SLC15A1: variants seen among roughly 807,000 people sequenced by gnomAD.
The protein encoded by SLC15A1 is solute carrier family 15 member 1.
Under a neutral mutation model 92.9 loss-of-function variants are expected in SLC15A1, and 83 were observed. The observed-to-expected ratio is 0.89, with a 90% CI of 0.75 to 1.07. The LOEUF is 1.07. Among genes scored for constraint, SLC15A1 ranks in the 50% least tolerant of loss-of-function variants. The pLI is 0.00. For synonymous variants in SLC15A1, 322 were observed against 318.2 expected (o/e 1.01, Z -0.13); for missense variants, 857 against 880.1 (o/e 0.97, Z 0.33).
intron 18 of SLC15A1, among the ~76,000 whole-genome samples, chr13:98,701,491 ATT>A (rs1421605700): frequency 1.1e-4 from 17 of 151,270 alleles, no homozygotes; most frequent in South Asian, 2.1e-4. Flanking sequence ...AAATTTATTT[ATT>A]TATATATATA....
rs9554495 is a variant in SLC15A1 at position 98,684,437 on chromosome 13, C to T, written c.*287G>A. On this transcript the variant is annotated 3_prime_UTR_variant, in exon 23 of 23. Coordinates refer to ENST00000376503, the MANE Select transcript of SLC15A1 (RefSeq NM_005073.4). ...GTGCATGCCGCTAATCCCAGCCACT[C>T]GGGAGGCTGAGGCAGGAGAATTACT... The T allele has an allele frequency of 2.2e-5, 5 of 231,266 alleles. No homozygotes were observed. The highest frequency in any genetic ancestry group is 7.0e-5 in the African/African-American group (3 of 43,134). 14.3% of individuals were successfully genotyped at this position (231,266 alleles called of 1,614,324 possible).
Position 98,729,005 on chromosome 13 carries a change from AAC to A in SLC15A1, c.5-2148_5-2147del, listed in dbSNP as rs1433653753. ...AAAAAAAAAAAAAAAAAAAAAAAAA[AAC>A]AACAAGCCCCAAAACAAAAAACAAA... On this transcript the variant is annotated intron_variant, in intron 1 of 22. Transcript: ENST00000376503. 8.3e-4 allele frequency among the ~76,000 whole-genome samples: 116 copies of A among 139,160 alleles called. 8 individuals carry two copies. The highest frequency in any genetic ancestry group is 1.8e-3 in the African/African-American group (67 of 37,566). 91.3% of individuals were successfully genotyped at this position (139,160 alleles called of 152,430 possible).
chr13:98,723,391 G>T (rs2088275084), intron 5 of SLC15A1, among the ~76,000 whole-genome samples: 1 of 152,162 alleles, frequency 6.6e-6, no homozygotes. Context: ...TCTACAACTA[G>T]TCTACTAGGC....
intron 1 of SLC15A1, among the ~76,000 whole-genome samples, chr13:98,737,061 C>A (rs142956041): frequency 2.2e-4 from 34 of 152,296 alleles, no homozygotes; most frequent in East Asian, 2.1e-3. Flanking sequence ...TATTGTGGCA[C>A]TATTCACAAT....
chr13:98,686,332 G>T, intron 21 of SLC15A1, 35 bp from the exon 22 acceptor site: 1 of 1,453,030 alleles, frequency 6.9e-7, no homozygotes, highest in Non-Finnish European at 9.6e-7. Flanking sequence ...CCTGCTCCAG[G>T]TCTCACCCTC....
intron 5 of SLC15A1, 148 bp downstream of exon 5, chr13:98,723,764 C>T: frequency 9.3e-7 from 1 of 1,076,148 alleles, no homozygotes. Flanking sequence ...CCAGCTCAAT[C>T]TATTTGACAG....
intron 15 of SLC15A1, among the ~76,000 whole-genome samples, chr13:98,706,741 ATC>A (rs2088115892): frequency 1.3e-5 from 2 of 152,054 alleles, no homozygotes; most frequent in Admixed American, 6.6e-5. Flanking sequence ...AGTCCATTAA[ATC>A]TCTTTTTCTT....
At chr13:98,746,825 G>A (rs1190045206) in intron 1 of SLC15A1, among the ~76,000 whole-genome samples, 9 of 152,124 alleles carry the variant, frequency 5.9e-5, no homozygotes, top group Non-Finnish European at 1.2e-4. Flanking sequence ...TCCGCAGCCC[G>A]GTGAGGAGCT....
chr13:98,732,326 C>G (rs2088357625), intron 1 of SLC15A1, among the ~76,000 whole-genome samples: 1 of 152,150 alleles, frequency 6.6e-6, no homozygotes, highest in Non-Finnish European at 1.5e-5. Flanking sequence ...CCTTAGCACC[C>G]AACACATTGC....
At chr13:98,720,502 C>A (rs1430427605) in intron 7 of SLC15A1, 1 of 152,878 alleles carries the variant, frequency 6.5e-6, no homozygotes, top group Non-Finnish European at 1.5e-5. Flanking sequence ...CATCTTCAAA[C>A]CACTATGCTG....
At chr13:98,728,709 G>T (rs1248588128) in intron 1 of SLC15A1, among the ~76,000 whole-genome samples, 1 of 151,866 alleles carries the variant, frequency 6.6e-6, no homozygotes, top group Non-Finnish European at 1.5e-5. Flanking sequence ...GGCTGGGCGC[G>T]GTGGCTCACA....
At chr13:98,746,593 G>C (rs1193777760) in intron 1 of SLC15A1, among the ~76,000 whole-genome samples, 1 of 152,216 alleles carries the variant, frequency 6.6e-6, no homozygotes. Context: ...TGTCCTAATA[G>C]AGCTTATAAT....
At chr13:98,743,124 C>T (rs564836979) in intron 1 of SLC15A1, among the ~76,000 whole-genome samples, 1 of 152,170 alleles carries the variant, frequency 6.6e-6, no homozygotes, top group African/African-American at 2.4e-5. Context: ...TAGGGGCCAC[C>T]CTACCCTGGT....
At chr13:98,685,677 C>T (rs548881331) in intron 22 of SLC15A1, among the ~76,000 whole-genome samples, 4 of 152,248 alleles carry the variant, frequency 2.6e-5, no homozygotes, top group East Asian at 1.9e-4. Flanking sequence ...TTTCCAGCTG[C>T]GTTAACAACA....
intron 1 of SLC15A1, among the ~76,000 whole-genome samples, chr13:98,737,563 T>C (rs1283803990): frequency 6.6e-6 from 1 of 152,196 alleles, no homozygotes; most frequent in African/African-American, 2.4e-5. Flanking sequence ...CCATGTGACA[T>C]GCCTGCTCCC....
In SLC15A1 at chr13:98,718,300, C is replaced by CTTTT. The variant is rs532286337; in HGVS notation, c.640+933_640+936dup. On this transcript the variant is annotated intron_variant, in intron 8 of 22. Transcript: ENST00000376503. ...ATCCAGCAGATTCTATCACCTTCAT[C>CTTTT]TTTTTTTTTTTTTTTTTTTTTTTTT... 4.0e-4 allele frequency among the ~76,000 whole-genome samples: 34 copies of CTTTT among 84,126 alleles called. 3 individuals carry two copies. Among genetic ancestry groups the CTTTT allele is most frequent in the African/African-American group, 1.7e-3 (25 of 14,624 alleles). 55.2% of individuals were successfully genotyped at this position (84,126 alleles called of 152,430 possible).
chr13:98,726,801 T>G, intron 2 of SLC15A1, 42 bp downstream of exon 2: 4 of 1,596,434 alleles, frequency 2.5e-6, no homozygotes, highest in Non-Finnish European at 3.4e-6. Flanking sequence ...ATGATAAAAT[T>G]TACAAGATGA....
intron 18 of SLC15A1, among the ~76,000 whole-genome samples, chr13:98,695,963 A>C (rs1320302677): frequency 6.6e-6 from 1 of 152,012 alleles, no homozygotes; most frequent in African/African-American, 2.4e-5. Flanking sequence ...TGAAATAATA[A>C]AACCTTTGAT....
At chr13:98,707,420 C>T (rs1160470682) in intron 15 of SLC15A1, among the ~76,000 whole-genome samples, 2 of 152,100 alleles carry the variant, frequency 1.3e-5, no homozygotes. Flanking sequence ...CCATATAATG[C>T]CACTCATAGG....
Sources: gnomAD v4.1 joint callset for allele counts (sites outside exome capture counted in the v4.1 genomes callset) on GRCh38, gnomAD v4.1.1 for gene constraint, MANE v1.5 for transcripts, NCBI Gene and HGNC (gene_info 2026-07-23, HGNC 2026-07-21) for gene names.